Variants in DRC9 observed in about 807,000 individuals in gnomAD.
DRC9 encodes the protein dynein regulatory complex protein 9.
At chr3:197,895,838 G>A in the DRC9 span, among the ~76,000 whole-genome samples, 1 of 151,566 alleles carries the variant, frequency 6.6e-6, no homozygotes, top group Non-Finnish European at 1.5e-5. Context: ...AGCCAGGCAC[G>A]GTAGCATGCA....
chr3:197,903,749 G>C, the DRC9 span, among the ~76,000 whole-genome samples: 2 of 151,720 alleles, frequency 1.3e-5, no homozygotes, highest in African/African-American at 4.8e-5. Flanking sequence ...ATATGACAAG[G>C]GTTTAATAAA....
At chr3:197,938,646 G>T in the DRC9 span, 23 of 1,614,108 alleles carry the variant, frequency 1.4e-5, no homozygotes, top group South Asian at 2.5e-4. Flanking sequence ...ACTCCACAGC[G>T]AACCGGCCTC....
the DRC9 span, among the ~76,000 whole-genome samples, chr3:197,947,846 T>A: frequency 6.6e-6 from 1 of 151,806 alleles, no homozygotes; most frequent in Non-Finnish European, 1.5e-5. Context: ...TCTCCAAACG[T>A]CTCTCTCTGG....
chr3:197,912,959 G>A, the DRC9 span: 1 of 552,200 alleles, frequency 1.8e-6, no homozygotes, highest in Non-Finnish European at 3.3e-6. Flanking sequence ...AACGAGACGA[G>A]CACAATCCCG....
chr3:197,936,546 T>G, the DRC9 span, among the ~76,000 whole-genome samples: 1 of 152,094 alleles, frequency 6.6e-6, no homozygotes, highest in African/African-American at 2.4e-5. Context: ...TGATTTTTAG[T>G]AGAGATGAGA....
At chr3:197,916,944 G>T in the DRC9 span, among the ~76,000 whole-genome samples, 2 of 151,864 alleles carry the variant, frequency 1.3e-5, no homozygotes, top group African/African-American at 4.8e-5. Context: ...TTACGAATTT[G>T]TGTTGGGCCC....
At chr3:197,906,079 A>T in the DRC9 span, among the ~76,000 whole-genome samples, 1 of 151,706 alleles carries the variant, frequency 6.6e-6, no homozygotes, top group Non-Finnish European at 1.5e-5. Flanking sequence ...CTCCAAATCC[A>T]CCTCTTTGCT....
At chr3:197,950,199 C>T in the DRC9 span, 72 of 1,231,534 alleles carry the variant, frequency 5.8e-5, no homozygotes, top group Admixed American at 3.0e-4. Context: ...CCTTCTCTTA[C>T]CGCCATCTTG....
chr3:197,922,597 T>C, the DRC9 span, among the ~76,000 whole-genome samples: 1 of 151,914 alleles, frequency 6.6e-6, no homozygotes, highest in Non-Finnish European at 1.5e-5. Context: ...TCCCAGCTAC[T>C]TGGGAGGCTG....
the DRC9 span, chr3:197,950,896 T>G: frequency 3.1e-6 from 5 of 1,606,728 alleles, no homozygotes; most frequent in African/African-American, 4.0e-5. Context: ...GGGAAACTTG[T>G]GTGGCTTGGT....
chr3:197,950,175 C>T, the DRC9 span: 1 of 1,231,664 alleles, frequency 8.1e-7, no homozygotes, highest in Non-Finnish European at 1.0e-6. Flanking sequence ...CAAGGCCACG[C>T]GGCGGGGCCT....
the DRC9 span, chr3:197,939,114 C>G: frequency 4.0e-6 from 1 of 251,486 alleles, no homozygotes; most frequent in East Asian, 1.1e-4. Flanking sequence ...GTCGGGGGGA[C>G]AGTGTCTTAG....
the DRC9 span, chr3:197,938,846 T>C: frequency 8.9e-7 from 1 of 1,120,398 alleles, no homozygotes; most frequent in Non-Finnish European, 1.3e-6. Context: ...AAAGAGGCCT[T>C]TGTGTACATT....
At chr3:197,919,193 G>A in the DRC9 span, among the ~76,000 whole-genome samples, 1 of 152,222 alleles carries the variant, frequency 6.6e-6, no homozygotes. Context: ...GGGCCTCTGA[G>A]TACCCTGAGT....
At chr3:197,941,897 A>G in the DRC9 span, among the ~76,000 whole-genome samples, 1 of 152,218 alleles carries the variant, frequency 6.6e-6, no homozygotes, top group East Asian at 1.9e-4. Flanking sequence ...CTTCTGTACT[A>G]TTTGTTAGCC....
the DRC9 span, chr3:197,943,974 G>T: frequency 1.9e-6 from 3 of 1,614,078 alleles, no homozygotes; most frequent in Non-Finnish European, 2.5e-6. Flanking sequence ...TACGGTACTA[G>T]GTGGTTCGCC....
At chr3:197,935,155 T>C in the DRC9 span, among the ~76,000 whole-genome samples, 2 of 152,006 alleles carry the variant, frequency 1.3e-5, no homozygotes, top group East Asian at 1.9e-4. Context: ...AAAAGTAATT[T>C]TGTGGCCGGG....
the DRC9 span, among the ~76,000 whole-genome samples, chr3:197,897,878 C>A: frequency 6.7e-6 from 1 of 149,850 alleles, no homozygotes; most frequent in Non-Finnish European, 1.5e-5. Context: ...TCATGCCATT[C>A]TCCTGCCTCA....
the DRC9 span, chr3:197,951,423 C>G: frequency 1.6e-6 from 2 of 1,215,098 alleles, no homozygotes; most frequent in Non-Finnish European, 2.4e-6. Context: ...ACTTGGTCTC[C>G]CTCACCGAAA....
Sources: gnomAD v4.1 joint callset for allele counts (sites outside exome capture counted in the v4.1 genomes callset) on GRCh38, gnomAD v4.1.1 for gene constraint, MANE v1.5 for transcripts, NCBI Gene and HGNC (gene_info 2026-07-23, HGNC 2026-07-21) for gene names.